Variants in ATOSA observed in about 807,000 individuals in gnomAD.
The protein encoded by ATOSA is atos homolog protein A.
At chr15:52,638,867 A>G in the ATOSA span, among the ~76,000 whole-genome samples, 1 of 152,102 alleles carries the variant, frequency 6.6e-6, no homozygotes, top group African/African-American at 2.4e-5. Context: ...ATTACTTCCT[A>G]CAAAGGCCAG....
the ATOSA span, chr15:52,609,637 G>A: frequency 6.2e-7 from 1 of 1,613,146 alleles, no homozygotes; most frequent in Non-Finnish European, 8.5e-7. Context: ...AAAAGTCATG[G>A]AGAAAGCTTC....
chr15:52,671,109 T>C, the ATOSA span, among the ~76,000 whole-genome samples: 1 of 152,210 alleles, frequency 6.6e-6, no homozygotes, highest in African/African-American at 2.4e-5. Context: ...CAAATGTCTG[T>C]GTATGAATCA....
the ATOSA span, among the ~76,000 whole-genome samples, chr15:52,668,104 T>C: frequency 2.0e-5 from 3 of 152,256 alleles, no homozygotes; most frequent in Non-Finnish European, 4.4e-5. Context: ...AAGAGATATC[T>C]GTACTCCCAT....
At chr15:52,603,034 C>T in the ATOSA span, among the ~76,000 whole-genome samples, 1 of 152,138 alleles carries the variant, frequency 6.6e-6, no homozygotes, top group African/African-American at 2.4e-5. Flanking sequence ...CTTAGTCTAC[C>T]ATATTGACCA....
the ATOSA span, among the ~76,000 whole-genome samples, chr15:52,610,916 T>C: frequency 1.3e-5 from 2 of 152,264 alleles, no homozygotes; most frequent in Non-Finnish European, 2.9e-5. Context: ...TTAAAAGTTC[T>C]CTTGATATTA....
chr15:52,595,418 C>G, the ATOSA span, among the ~76,000 whole-genome samples: 2 of 151,822 alleles, frequency 1.3e-5, no homozygotes, highest in Non-Finnish European at 2.9e-5. Flanking sequence ...GAGGTACATA[C>G]AAAAATGTTT....
chr15:52,600,634 A>C, the ATOSA span, among the ~76,000 whole-genome samples: 1 of 152,192 alleles, frequency 6.6e-6, no homozygotes, highest in South Asian at 2.1e-4. Context: ...TGGAATTTAG[A>C]ACATATCACA....
the ATOSA span, among the ~76,000 whole-genome samples, chr15:52,654,935 T>C: frequency 6.6e-6 from 1 of 151,940 alleles, no homozygotes; most frequent in Non-Finnish European, 1.5e-5. Flanking sequence ...AATTACTAAA[T>C]ATATGTATCA....
chr15:52,608,780 T>G, the ATOSA span: 5 of 1,606,072 alleles, frequency 3.1e-6, no homozygotes, highest in East Asian at 1.1e-4. Flanking sequence ...TCACATGTCT[T>G]AGGCCTTTTT....
the ATOSA span, among the ~76,000 whole-genome samples, chr15:52,676,714 A>C: frequency 6.6e-6 from 1 of 152,212 alleles, no homozygotes; most frequent in African/African-American, 2.4e-5. Context: ...TAAACATTTT[A>C]TTGTGTTTAA....
the ATOSA span, among the ~76,000 whole-genome samples, chr15:52,626,227 T>A: frequency 6.6e-6 from 1 of 152,192 alleles, no homozygotes; most frequent in East Asian, 1.9e-4. Context: ...TGGTACTACA[T>A]GAATTCGGAC....
the ATOSA span, among the ~76,000 whole-genome samples, chr15:52,643,848 G>C: frequency 2.0e-5 from 3 of 151,768 alleles, no homozygotes. Context: ...GGGAGGCGGA[G>C]GTTGCAGTGA....
chr15:52,692,262 A>G, the ATOSA span, among the ~76,000 whole-genome samples: 1 of 152,250 alleles, frequency 6.6e-6, no homozygotes, highest in South Asian at 2.1e-4. Flanking sequence ...TACTATCTGA[A>G]TAAAGAAAAT....
At chr15:52,594,795 T>G in the ATOSA span, among the ~76,000 whole-genome samples, 1 of 152,206 alleles carries the variant, frequency 6.6e-6, no homozygotes, top group Non-Finnish European at 1.5e-5. Flanking sequence ...ATCTTCTAAT[T>G]AGTCTTTCCA....
the ATOSA span, chr15:52,629,738 G>T: frequency 3.5e-4 from 91 of 257,182 alleles, no homozygotes; most frequent in African/African-American, 1.8e-3. Flanking sequence ...GGAGGCAGAG[G>T]TTGCAGTGAG....
At chr15:52,662,369 A>ATGGAACCTC in the ATOSA span, among the ~76,000 whole-genome samples, 3 of 152,220 alleles carry the variant, frequency 2.0e-5, no homozygotes. Context: ...GGAATGAAAA[A>ATGGAACCTC]TGGAATCTCC....
At chr15:52,656,657 T>A in the ATOSA span, 1 of 152,060 alleles carries the variant, frequency 6.6e-6, no homozygotes, top group African/African-American at 2.4e-5. Context: ...TCATACTACA[T>A]TGTTTAAAAT....
At chr15:52,661,785 T>C in the ATOSA span, among the ~76,000 whole-genome samples, 3 of 152,032 alleles carry the variant, frequency 2.0e-5, no homozygotes, top group Admixed American at 6.6e-5. Context: ...CAGCATTCAA[T>C]CAACACAATA....
At chr15:52,598,158 T>C in the ATOSA span, among the ~76,000 whole-genome samples, 114 of 152,038 alleles carry the variant, frequency 7.5e-4, no homozygotes, top group African/African-American at 2.7e-3. Flanking sequence ...CAAAAATATA[T>C]ATGTAGATAT....
Sources: allele counts gnomAD v4.1 joint callset (sites outside exome capture counted in the v4.1 genomes callset), GRCh38; gene constraint gnomAD v4.1.1; transcripts MANE v1.5; gene names NCBI Gene and HGNC (gene_info 2026-07-23, HGNC 2026-07-21).